RABGAP1L: variants seen among roughly 807,000 people sequenced by gnomAD.
RABGAP1L encodes RAB GTPase activating protein 1 like.
In RABGAP1L, 63 loss-of-function variants were observed where a neutral mutation model predicts 137.7. The ratio of observed to expected loss-of-function variants is 0.46; its 90% CI spans 0.37 to 0.56. The LOEUF is 0.56. RABGAP1L is among the 20% of genes least tolerant of loss of function. The probability of loss-of-function intolerance (pLI) is 0.00; values close to 1 mark genes in which losing one functional copy is unlikely to be tolerated. For synonymous variants in RABGAP1L, 431 were observed against 433.7 expected, an observed-to-expected ratio of 0.99 and a Z score of 0.08; for missense variants, 1,095 against 1,244.0, an observed-to-expected ratio of 0.88 and a Z score of 1.80.
chr1:174,408,138 C>T lies in RABGAP1L; in HGVS notation c.1710+13993C>T, dbSNP rs184314727. Among the ~76,000 whole-genome samples the T allele has an allele frequency of 9.1e-4, 139 of 152,182 alleles. 1 individual carries two copies. The highest frequency in any genetic ancestry group is 3.2e-3 in the African/African-American group (132 of 41,536). On this transcript the variant is annotated intron_variant, in intron 13 of 25. Coordinates refer to ENST00000681986, the MANE Select transcript of RABGAP1L (RefSeq NM_001366446.1). ...TGTTACCTGAATGTATTGCATGATGCTGAAGTTTTGGGTGTGAATGATCCT... is the reference window on the plus strand; with the variant it reads ...TGTTACCTGAATGTATTGCATGATGTTGAAGTTTTGGGTGTGAATGATCCT...
chr1:174,464,303 C>T (rs1017165000), intron 13 of RABGAP1L, among the ~76,000 whole-genome samples: 1 of 149,904 alleles, frequency 6.7e-6, no homozygotes, highest in Non-Finnish European at 1.5e-5. Flanking sequence ...TTTCCCCATC[C>T]TTAATTAATT....
intron 19 of RABGAP1L, among the ~76,000 whole-genome samples, chr1:174,946,978 G>GTATA (rs1273519158): frequency 5.2e-4 from 55 of 105,868 alleles, no homozygotes; most frequent in African/African-American, 1.5e-3. Context: ...GTGTGTGTGT[G>GTATA]TGTATATATA....
chr1:174,416,694 A>G (rs913614424), intron 13 of RABGAP1L, among the ~76,000 whole-genome samples: 1 of 152,122 alleles, frequency 6.6e-6, no homozygotes, highest in African/African-American at 2.4e-5. Context: ...TCTAACCATT[A>G]CTGAATTAAG....
At chr1:174,405,912 A>T (rs1481561953) in intron 13 of RABGAP1L, among the ~76,000 whole-genome samples, 2 of 152,080 alleles carry the variant, frequency 1.3e-5, no homozygotes, top group African/African-American at 4.8e-5. Flanking sequence ...CGGGAGGCAG[A>T]GGTTGCAGTG....
chr1:174,335,276 T>C (rs554428859), intron 11 of RABGAP1L, among the ~76,000 whole-genome samples: 1 of 152,334 alleles, frequency 6.6e-6, no homozygotes, highest in African/African-American at 2.4e-5. Flanking sequence ...TAGAGTATTC[T>C]TTTATTTAAT....
intron 1 of RABGAP1L, among the ~76,000 whole-genome samples, chr1:174,171,605 G>T (rs1211973838): frequency 6.6e-6 from 1 of 150,968 alleles, no homozygotes. Context: ...ATAACTGCGA[G>T]TTTGTACCCT....
At chr1:174,259,833 C>T (rs564766404) in intron 7 of RABGAP1L, among the ~76,000 whole-genome samples, 3 of 142,814 alleles carry the variant, frequency 2.1e-5, no homozygotes, top group Non-Finnish European at 4.7e-5. Context: ...GTTATTATTA[C>T]TGCATTTTTT....
intron 20 of RABGAP1L, chr1:174,957,948 A>G: frequency 6.4e-7 from 1 of 1,574,378 alleles, no homozygotes; most frequent in Non-Finnish European, 8.6e-7. Context: ...CTTCATAAGA[A>G]GCTGAGAGAA....
chr1:174,646,888 G>C (rs1675011066), intron 14 of RABGAP1L, among the ~76,000 whole-genome samples: 1 of 152,076 alleles, frequency 6.6e-6, no homozygotes, highest in Admixed American at 6.6e-5. Context: ...TTATTTCCTT[G>C]AGCAGTGGTT....
At chr1:174,367,608 G>C in intron 11 of RABGAP1L, 1 of 268,904 alleles carries the variant, frequency 3.7e-6, no homozygotes. Flanking sequence ...GGTTTCCTAT[G>C]CACTTCATTT....
intron 10 of RABGAP1L, among the ~76,000 whole-genome samples, chr1:174,293,925 G>T (rs1676863518): frequency 6.6e-6 from 1 of 151,940 alleles, no homozygotes; most frequent in South Asian, 2.1e-4. Flanking sequence ...TGGAACAATA[G>T]AAGTATATAC....
intron 19 of RABGAP1L, among the ~76,000 whole-genome samples, chr1:174,941,023 T>A (rs567126494): frequency 3.3e-5 from 5 of 152,324 alleles, no homozygotes; most frequent in African/African-American, 1.2e-4. Context: ...ATCTAGCTCC[T>A]CACCCAAACA....
intron 14 of RABGAP1L, among the ~76,000 whole-genome samples, chr1:174,649,428 T>C (rs1675268091): frequency 1.3e-5 from 2 of 152,162 alleles, no homozygotes; most frequent in African/African-American, 4.8e-5. Flanking sequence ...ATGGCTTGTC[T>C]GTAAAGGATT....
intron 11 of RABGAP1L, among the ~76,000 whole-genome samples, chr1:174,339,368 A>G (rs958164153): frequency 6.6e-6 from 1 of 152,184 alleles, no homozygotes; most frequent in East Asian, 1.9e-4. Context: ...GTGTGATGGC[A>G]GGCACCCAGT....
At chr1:174,927,072 CAA>C (rs80307774) in intron 19 of RABGAP1L, among the ~76,000 whole-genome samples, 3 of 120,016 alleles carry the variant, frequency 2.5e-5, no homozygotes, top group Non-Finnish European at 3.5e-5. Context: ...GACTCCGTCT[CAA>C]AAAAAAAAAA....
chr1:174,655,031 A>G (rs1189307403), intron 14 of RABGAP1L, among the ~76,000 whole-genome samples: 1 of 152,160 alleles, frequency 6.6e-6, no homozygotes, highest in Non-Finnish European at 1.5e-5. Context: ...GTGTATTTTT[A>G]ACAACCTCAA....
At chr1:174,905,719 C>T (rs868357285) in intron 19 of RABGAP1L, among the ~76,000 whole-genome samples, 9 of 152,042 alleles carry the variant, frequency 5.9e-5, no homozygotes, top group Non-Finnish European at 1.2e-4. Context: ...GACATGGTGC[C>T]GGGTGCCTGA....
At chr1:174,588,689 ATGAG>A (rs1669318045) in intron 13 of RABGAP1L, among the ~76,000 whole-genome samples, 3 of 152,088 alleles carry the variant, frequency 2.0e-5, no homozygotes, top group Non-Finnish European at 4.4e-5. Context: ...GCTCCCACAA[ATGAG>A]TGAGAAGATT....
chr1:174,649,583 G>A (rs536749145), intron 14 of RABGAP1L, among the ~76,000 whole-genome samples: 2 of 152,184 alleles, frequency 1.3e-5, no homozygotes, highest in African/African-American at 4.8e-5. Context: ...TTAGTCTGAT[G>A]TGCTTCCCTT....
Sources: allele counts gnomAD v4.1 joint callset (sites outside exome capture counted in the v4.1 genomes callset), GRCh38; gene constraint gnomAD v4.1.1; transcripts MANE v1.5; gene names NCBI Gene and HGNC (gene_info 2026-07-23, HGNC 2026-07-21).